The following CTSK variants were observed in gnomAD, a reference collection of about 807,000 sequenced individuals.
The protein encoded by CTSK is cathepsin O.
Under a neutral mutation model 40.5 loss-of-function variants are expected in CTSK, and 26 were observed. That is an observed-to-expected ratio of 0.64 (90% CI 0.47 to 0.89). The LOEUF (loss-of-function observed/expected upper bound fraction) is 0.89. Among genes scored for constraint, CTSK ranks in the 40% least tolerant of loss-of-function variants. The probability of loss-of-function intolerance (pLI) is 0.00; values close to 1 mark genes in which losing one functional copy is unlikely to be tolerated. For synonymous variants in CTSK, 132 were observed against 143.2 expected, an observed-to-expected ratio of 0.92 and a Z score of 0.56; for missense variants, 292 against 400.1, an observed-to-expected ratio of 0.73 and a Z score of 2.30.
At chr1:150,804,312 G>T (rs1654046283) in intron 4 of CTSK, 73 bp from the exon 5 acceptor site, 10 of 1,209,208 alleles carry the variant, frequency 8.3e-6, no homozygotes, top group Non-Finnish European at 1.2e-5. Flanking sequence ...CCTGCCTGAA[G>T]AAATTCCATG....
chr1:150,805,120 T>G (rs1487702597), intron 4 of CTSK, among the ~76,000 whole-genome samples: 1 of 146,684 alleles, frequency 6.8e-6, no homozygotes, highest in Non-Finnish European at 1.5e-5. Context: ...AGGCTGAGGT[T>G]GGAGAATCAC....
Position 150,796,798 on chromosome 1 carries a change from G to T in CTSK, c.*1C>A, listed in dbSNP as rs1025182609. On this transcript the variant is annotated 3_prime_UTR_variant, in exon 8 of 8. Transcript: ENST00000271651. Reference sequence around the variant, plus strand: ...AGCAGGATGGATTTGGCTGGCTGGAGTCACATCTTGGGGAAGCTGGCCAGG... The same window carrying T: ...AGCAGGATGGATTTGGCTGGCTGGATTCACATCTTGGGGAAGCTGGCCAGG... 3.8e-5 allele frequency: 61 copies of T among 1,608,380 alleles called. No homozygotes were observed. The highest frequency in any genetic ancestry group is 4.9e-5 in the Non-Finnish European group (58 of 1,174,740).
intron 5 of CTSK, chr1:150,800,723 T>C (rs755177201): frequency 6.0e-6 from 1 of 166,952 alleles, no homozygotes; most frequent in Non-Finnish European, 1.3e-5. Flanking sequence ...GGATTGTTTG[T>C]GCCCAGGAGT....
At chr1:150,803,385 A>G (rs1395133729) in intron 5 of CTSK, among the ~76,000 whole-genome samples, 1 of 152,212 alleles carries the variant, frequency 6.6e-6, no homozygotes, top group Non-Finnish European at 1.5e-5. Flanking sequence ...AGTAGCCATC[A>G]TTTTTATTCT....
At chr1:150,807,076 T>TCACACACA (rs1176948763) in intron 1 of CTSK, among the ~76,000 whole-genome samples, 8 of 36,474 alleles carry the variant, frequency 2.2e-4, no homozygotes, top group Middle Eastern at 9.3e-3. Flanking sequence ...TGTCTCTCTC[T>TCACACACA]CTCTCACACA....
intron 1 of CTSK, among the ~76,000 whole-genome samples, chr1:150,807,781 C>T (rs1236743249): frequency 5.3e-5 from 8 of 152,146 alleles, no homozygotes; most frequent in African/African-American, 1.7e-4. Context: ...ATTTTGCAAA[C>T]TGGCAAAATG....
At chr1:150,801,685 C>T (rs1653992356) in intron 5 of CTSK, among the ~76,000 whole-genome samples, 2 of 151,664 alleles carry the variant, frequency 1.3e-5, no homozygotes, top group African/African-American at 4.8e-5. Flanking sequence ...ACTACAGGCA[C>T]CTGCCACCAC....
Position 150,805,508 on chromosome 1 carries a change from G to A in CTSK, c.399+353C>T, listed in dbSNP as rs587751442. ...AGAAAAATTAGCCAGGCGTAGTGGC[G>A]CGTGCCTGTAATCTCAGCTACTCAG... On this transcript the variant is annotated intron_variant, in intron 4 of 7. Transcript: ENST00000271651. 1.1e-4 allele frequency among the ~76,000 whole-genome samples: 16 copies of A among 151,370 alleles called. No individual in the cohort carries two copies. In the East Asian group the frequency reaches 1.6e-3, roughly 15 times the overall value.
At chr1:150,804,291 T>A in intron 4 of CTSK, 52 bp from the exon 5 acceptor site, 3 of 1,412,084 alleles carry the variant, frequency 2.1e-6, no homozygotes, top group Non-Finnish European at 3.0e-6. Flanking sequence ...ATTTTCTATA[T>A]CTTCTCTCTA....
rs1241149044 is a variant in CTSK at position 150,799,279 on chromosome 1, A to G, written c.785-6T>C. 2 of 1,592,308 alleles carry G rather than the reference A, an allele frequency of 1.3e-6. No homozygotes were observed. The highest frequency in any genetic ancestry group is 2.7e-5 in the African/African-American group (2 of 74,514). ...GCTTTCATCATAATACACACCTAGA[A>G]TACAAACTACCAGCGTGAGGCTCTA... On this transcript the variant is annotated splice_region_variant and splice_polypyrimidine_tract_variant and intron_variant, in intron 6 of 7. Transcript: ENST00000271651.
Position 150,804,145 on chromosome 1 carries a change from TG to T in CTSK, c.493del (p.Gln165ArgfsTer3), listed in dbSNP as rs1654043546. Reference sequence around the variant, plus strand: ...CTCAGACACACAATCCACTAGGTTCTGGGGACTCAGATTTAAGAGTTTGCCA... The same window carrying T: ...CTCAGACACACAATCCACTAGGTTCTGGGACTCAGATTTAAGAGTTTGCCA... ...KTGKLLNLSP[Q>X]NLVDCVSEND... On this transcript the variant is annotated frameshift_variant, in exon 5 of 8. Coordinates refer to ENST00000271651, the MANE Select transcript of CTSK (RefSeq NM_000396.4). LOFTEE classifies it high-confidence loss of function. 2 of 1,614,196 alleles carry T rather than the reference TG, an allele frequency of 1.2e-6. No homozygotes were observed. Among genetic ancestry groups the T allele is most frequent in the Admixed American group, 1.7e-5 (1 of 60,024 alleles).
intron 5 of CTSK, among the ~76,000 whole-genome samples, chr1:150,802,514 G>A (rs587729302): frequency 1.1e-4 from 17 of 152,186 alleles, no homozygotes; most frequent in African/African-American, 4.1e-4. Flanking sequence ...GAACTCCCAG[G>A]CTCAAGTTGT....
intron 5 of CTSK, among the ~76,000 whole-genome samples, chr1:150,801,633 G>C (rs1234150701): frequency 1.3e-5 from 2 of 150,584 alleles, no homozygotes; most frequent in South Asian, 2.1e-4. Context: ...CCACCTCCCG[G>C]GTTCACGCCA....
At chr1:150,806,372 G>T in intron 2 of CTSK, 148 bp from the exon 3 acceptor site, 1 of 955,642 alleles carries the variant, frequency 1.0e-6, no homozygotes, top group African/African-American at 1.7e-5. Context: ...GAGCCTGCAA[G>T]AAGAGATAAT....
At chr1:150,799,442 G>A in intron 6 of CTSK, 102 bp downstream of exon 6, 2 of 1,435,962 alleles carry the variant, frequency 1.4e-6, no homozygotes, top group South Asian at 1.1e-5. Context: ...CCACCTCCAT[G>A]TGAATACAAA....
chr1:150,799,521 G>T, intron 6 of CTSK, 23 bp downstream of exon 6: 1 of 1,613,714 alleles, frequency 6.2e-7, no homozygotes, highest in Non-Finnish European at 8.5e-7. Context: ...AGACAGTGCT[G>T]TATAGGATCA....
chr1:150,797,335 G>T (rs587634727), intron 7 of CTSK, among the ~76,000 whole-genome samples: 3 of 152,316 alleles, frequency 2.0e-5, no homozygotes, highest in East Asian at 3.9e-4. Context: ...TTTACTGCAA[G>T]GTTAAAAAGC....
Position 150,806,115 on chromosome 1 carries a change from T to A in CTSK, c.230A>T (p.His77Leu). The change falls in exon 3 of 8, where the codon CAC becomes CTC. Residue 77 changes from histidine (H) to leucine (L), a missense_variant. His to Leu is a moderately conservative substitution (Grantham distance 99). Transcript: ENST00000271651. ...GVHTYELAMNHLGDMTSEEVV... is the reference protein window; with the variant it reads ...GVHTYELAMNLLGDMTSEEVV... Reference sequence around the variant, plus strand: ...AGCTATACTTGCCATGTCCCCCAGGTGGTTCATAGCCAGTTCATATGTATG... The same window carrying A: ...AGCTATACTTGCCATGTCCCCCAGGAGGTTCATAGCCAGTTCATATGTATG... 1 of 1,614,180 alleles carries A rather than the reference T, an allele frequency of 6.2e-7. No individual in the cohort carries two copies. Among genetic ancestry groups the A allele is most frequent in the Admixed American group, 1.7e-5 (1 of 60,024 alleles).
rs1653877614 is a variant in CTSK at position 150,796,362 on chromosome 1, A to G, written c.*437T>C. Reference sequence around the variant, plus strand: ...AGATTTATGAATTGGAGTAGAAAACATAGACATTTCTACCTTGAGGATATA... The same window carrying G: ...AGATTTATGAATTGGAGTAGAAAACGTAGACATTTCTACCTTGAGGATATA... On this transcript the variant is annotated 3_prime_UTR_variant, in exon 8 of 8. Coordinates refer to ENST00000271651, the MANE Select transcript of CTSK (RefSeq NM_000396.4). 4.8e-6 allele frequency: 1 copy of G among 206,516 alleles called. No homozygotes were observed. Among genetic ancestry groups the G allele is most frequent in the South Asian group, 9.2e-5 (1 of 10,912 alleles). 12.8% of individuals were successfully genotyped at this position (206,516 alleles called of 1,614,324 possible). A position where few individuals can be genotyped will look rare whatever the true frequency, so the allele number is the denominator to read the frequency against.
Sources: gnomAD v4.1 joint callset for allele counts (sites outside exome capture counted in the v4.1 genomes callset) on GRCh38, gnomAD v4.1.1 for gene constraint, MANE v1.5 for transcripts, NCBI Gene and HGNC (gene_info 2026-07-23, HGNC 2026-07-21) for gene names.